The following MAMDC2 variants were observed in gnomAD, a reference collection of about 807,000 sequenced individuals.
The protein encoded by MAMDC2 is MAM domain-containing protein 2.
In MAMDC2, 57 loss-of-function variants were observed where a neutral mutation model predicts 89.8. That is an observed-to-expected ratio of 0.63 (90% CI 0.51 to 0.79). The LOEUF is 0.79. MAMDC2 is among the 30% of genes least tolerant of loss of function. MAMDC2 has a pLI of 0.00. For missense variants in MAMDC2, 800 were observed against 820.6 expected (o/e 0.97, Z 0.31); for synonymous variants, 313 against 293.4 (o/e 1.07, Z -0.68).
At chr9:70,130,731 G>A (rs1245650355) in intron 6 of MAMDC2, among the ~76,000 whole-genome samples, 1 of 151,890 alleles carries the variant, frequency 6.6e-6, no homozygotes, top group Non-Finnish European at 1.5e-5. Flanking sequence ...AGAAGTAAAG[G>A]AACTTAGAGG....
chr9:70,139,533 G>T (rs2031130087), intron 7 of MAMDC2, among the ~76,000 whole-genome samples: 1 of 150,852 alleles, frequency 6.6e-6, no homozygotes, highest in Admixed American at 6.6e-5. Context: ...TTGGACATTT[G>T]GGGTTGGTTC....
chr9:70,131,406 C>G (rs543378917), intron 6 of MAMDC2, 113 bp from the exon 7 acceptor site: 1 of 692,052 alleles, frequency 1.4e-6, no homozygotes, highest in East Asian at 2.8e-5. Flanking sequence ...TCCATGAGTC[C>G]TTGTAACTTG....
chr9:70,095,000 G>A (rs1827990162), intron 2 of MAMDC2, among the ~76,000 whole-genome samples: 1 of 152,148 alleles, frequency 6.6e-6, no homozygotes, highest in Non-Finnish European at 1.5e-5. Flanking sequence ...AGTATAGAGT[G>A]AGCTAAGAAG....
intron 2 of MAMDC2, among the ~76,000 whole-genome samples, chr9:70,052,608 T>C (rs1175804246): frequency 6.6e-6 from 1 of 152,190 alleles, no homozygotes; most frequent in African/African-American, 2.4e-5. Context: ...TGTCACCTCA[T>C]CAGACTGTTA....
chr9:70,208,923 T>C (rs1247750958), intron 11 of MAMDC2, among the ~76,000 whole-genome samples: 1 of 152,234 alleles, frequency 6.6e-6, no homozygotes, highest in African/African-American at 2.4e-5. Context: ...GTTTATATGA[T>C]GGACTATGTT....
intron 2 of MAMDC2, among the ~76,000 whole-genome samples, chr9:70,051,380 C>T (rs1456078529): frequency 6.6e-6 from 1 of 152,120 alleles, no homozygotes; most frequent in Non-Finnish European, 1.5e-5. Flanking sequence ...TTTCCCATAC[C>T]ATAATTGCAG....
chr9:70,113,224 C>A, intron 5 of MAMDC2, 92 bp downstream of exon 5: 1 of 1,445,900 alleles, frequency 6.9e-7, no homozygotes, highest in Non-Finnish European at 9.4e-7. Flanking sequence ...TGGCTTCTGT[C>A]AACAGGGAAG....
At chr9:70,192,300 G>A (rs1267107806) in intron 11 of MAMDC2, among the ~76,000 whole-genome samples, 1 of 152,004 alleles carries the variant, frequency 6.6e-6, no homozygotes, top group East Asian at 1.9e-4. Context: ...GAGACAGAGG[G>A]GATGTCTTTG....
chr9:70,066,351 G>C (rs1306377322), intron 2 of MAMDC2, among the ~76,000 whole-genome samples: 1 of 152,190 alleles, frequency 6.6e-6, no homozygotes, highest in Non-Finnish European at 1.5e-5. Flanking sequence ...CAGAGTAGTA[G>C]AAAATGAAGC....
chr9:70,141,178 T>G (rs962344641), intron 8 of MAMDC2, among the ~76,000 whole-genome samples: 1 of 152,198 alleles, frequency 6.6e-6, no homozygotes, highest in Non-Finnish European at 1.5e-5. Context: ...TATTCTTTTC[T>G]TAGAGGTTGC....
chr9:70,143,762 C>T lies in MAMDC2; in HGVS notation c.1347C>T (p.Ser449=), dbSNP rs1407778160. 6.2e-7 allele frequency: 1 copy of T among 1,614,080 alleles called. No homozygotes were observed. The highest frequency in any genetic ancestry group is 1.3e-5 in the African/African-American group (1 of 75,020). Residue 449 remains serine, a synonymous_variant, in exon 9 of 14, where the codon TCC becomes TCT. Coordinates refer to ENST00000377182, the MANE Select transcript of MAMDC2 (RefSeq NM_153267.5). ...VQEKIWSVLE[S]PRGVWMQAEI... ...AGAAGATCTGGTCTGTGTTGGAGTC[C>T]CCAAGGGGTGTTTGGATGCAAGCTG...
chr9:70,183,366 G>A (rs766115668), intron 11 of MAMDC2, among the ~76,000 whole-genome samples: 3 of 152,208 alleles, frequency 2.0e-5, no homozygotes, highest in Non-Finnish European at 4.4e-5. Flanking sequence ...TATTAGGTCC[G>A]CTTGGTCCAG....
intron 1 of MAMDC2, among the ~76,000 whole-genome samples, 176 bp from the exon 2 acceptor site, chr9:70,044,408 G>C (rs925062652): frequency 6.6e-6 from 1 of 150,606 alleles, no homozygotes; most frequent in Non-Finnish European, 1.5e-5. Context: ...GGGGGTGGGC[G>C]TGGGGTCGCT....
intron 11 of MAMDC2, 95 bp from the exon 12 acceptor site, chr9:70,218,242 A>G (rs2033484722): frequency 7.4e-7 from 1 of 1,357,596 alleles, no homozygotes; most frequent in African/African-American, 1.5e-5. Flanking sequence ...TTTTAGTCAG[A>G]TCATCTTGAC....
At chr9:70,188,467 A>C (rs2032806912) in intron 11 of MAMDC2, 1 of 151,658 alleles carries the variant, frequency 6.6e-6, no homozygotes, top group Non-Finnish European at 1.5e-5. Context: ...TTATTTTACT[A>C]TATATTTCTA....
At chr9:70,196,783 T>C (rs2032981578) in intron 11 of MAMDC2, among the ~76,000 whole-genome samples, 1 of 152,018 alleles carries the variant, frequency 6.6e-6, no homozygotes, top group African/African-American at 2.4e-5. Flanking sequence ...TCTGGTACCA[T>C]GTGGCAATGC....
intron 11 of MAMDC2, among the ~76,000 whole-genome samples, chr9:70,178,874 AT>A (rs1240807816): frequency 1.3e-5 from 2 of 152,170 alleles, no homozygotes; most frequent in Non-Finnish European, 2.9e-5. Flanking sequence ...GCATTCCAGG[AT>A]GAGGGAATGG....
intron 6 of MAMDC2, among the ~76,000 whole-genome samples, chr9:70,129,478 T>A (rs2030702313): frequency 6.6e-6 from 1 of 152,146 alleles, no homozygotes; most frequent in South Asian, 2.1e-4. Context: ...ACTAATACAG[T>A]GATATATCCA....
intron 2 of MAMDC2, chr9:70,063,353 G>T (rs1827191873): frequency 6.6e-6 from 1 of 152,188 alleles, no homozygotes; most frequent in Admixed American, 6.6e-5. Context: ...TAGCTGTTTT[G>T]GCTCAGGTGG....
Sources: allele counts gnomAD v4.1 joint callset (sites outside exome capture counted in the v4.1 genomes callset), GRCh38; gene constraint gnomAD v4.1.1; transcripts MANE v1.5; gene names NCBI Gene and HGNC (gene_info 2026-07-23, HGNC 2026-07-21).